Variants in MUSK observed in about 807,000 individuals in gnomAD.
MUSK encodes the protein muscle, skeletal receptor tyrosine-protein kinase.
A neutral mutation model predicts 88.7 loss-of-function variants in MUSK; 55 were observed. The observed-to-expected ratio is 0.62, with a 90% confidence interval of 0.50 to 0.78. The LOEUF (loss-of-function observed/expected upper bound fraction) is 0.78, where lower values mean the gene tolerates loss of function less well. Ranked by LOEUF, MUSK falls within the 30% of genes least tolerant of loss-of-function variation. MUSK has a pLI of 0.00. For synonymous variants in MUSK, 387 were observed against 391.9 expected (o/e 0.99, Z 0.15); for missense variants, 1,015 against 1,074.3 (o/e 0.94, Z 0.77).
At chr9:110,742,581 C>A (rs1295991849) in intron 6 of MUSK, among the ~76,000 whole-genome samples, 1 of 152,136 alleles carries the variant, frequency 6.6e-6, no homozygotes, top group Non-Finnish European at 1.5e-5. Flanking sequence ...TCAAAAGATT[C>A]ATATGAGGTT....
Position 110,768,014 on chromosome 9 carries a change from C to T in MUSK, c.1115C>T (p.Ala372Val). ...CCAGTCTGCCGGCCAGCTGCTGAGG[C>T]TTTGTTGTGTAACCACATCTTCCAG... ...VSPVCRPAAEALLCNHIFQEC... is the reference protein window; with the variant it reads ...VSPVCRPAAEVLLCNHIFQEC... The change falls in exon 9 of 15, where the codon GCT becomes GTT. Residue 372 changes from alanine (A) to valine (V), a missense_variant. By Grantham distance (64) the Ala-to-Val change is moderately conservative (BLOSUM62 0). Coordinates refer to ENST00000374448, the MANE Select transcript of MUSK (RefSeq NM_005592.4). 1.9e-6 allele frequency: 3 copies of T among 1,613,988 alleles called. No homozygotes were observed. Among genetic ancestry groups the T allele is most frequent in the Non-Finnish European group, 2.5e-6 (3 of 1,179,882 alleles).
In MUSK at chr9:110,687,205, TGCACG is replaced by T; in HGVS notation, c.298_302del (p.Thr100GlnfsTer21). ...AGACAGTGATGATGGCATTTACTGC[TGCACG>T]GCCAACAATGGTGTGGGAGGAGCTG... is the stretch of plus-strand genomic sequence containing the variant. On this transcript the variant is annotated frameshift_variant, in exon 3 of 15. Transcript: ENST00000374448. LOFTEE classifies it high-confidence loss of function. 6.2e-7 allele frequency: 1 copy of T among 1,613,910 alleles called. No individual in the cohort carries two copies. Among genetic ancestry groups the T allele is most frequent in the African/African-American group, 1.3e-5 (1 of 75,038 alleles).
chr9:110,784,812 C>T lies in MUSK; in HGVS notation c.1385-3C>T, dbSNP rs775863015. The T allele has an allele frequency of 5.6e-6, 9 of 1,600,962 alleles. No homozygotes were observed. In the Admixed American group the frequency reaches 1.2e-4, roughly 21 times the overall value. ...GAATGAAATAATTATTCTTTACTTA[C>T]AGCATTCCCACCAATGACGTCCTCA... On this transcript the variant is annotated splice_region_variant and splice_polypyrimidine_tract_variant and intron_variant, in intron 11 of 14. Coordinates refer to ENST00000374448, the MANE Select transcript of MUSK (RefSeq NM_005592.4).
intron 11 of MUSK, among the ~76,000 whole-genome samples, chr9:110,783,376 T>G (rs1412159924): frequency 6.6e-6 from 1 of 151,970 alleles, no homozygotes; most frequent in Non-Finnish European, 1.5e-5. Flanking sequence ...AAAGAATGTC[T>G]TTTATAATGT....
At chr9:110,764,706 A>G (rs147901390) in intron 8 of MUSK, among the ~76,000 whole-genome samples, 5 of 152,276 alleles carry the variant, frequency 3.3e-5, no homozygotes, top group African/African-American at 9.6e-5. Flanking sequence ...ATATAATACC[A>G]AAGCCAAGTC....
At chr9:110,712,185 G>T (rs2076681042) in intron 5 of MUSK, among the ~76,000 whole-genome samples, 1 of 150,738 alleles carries the variant, frequency 6.6e-6, no homozygotes, top group African/African-American at 2.4e-5. Flanking sequence ...ATCAGTGCCT[G>T]GGTTGGGGAG....
intron 6 of MUSK, among the ~76,000 whole-genome samples, chr9:110,746,945 C>T (rs1314476485): frequency 6.6e-6 from 1 of 152,160 alleles, no homozygotes; most frequent in Admixed American, 6.5e-5. Context: ...AAGTCTGCAA[C>T]CTCTCATACT....
intron 11 of MUSK, among the ~76,000 whole-genome samples, chr9:110,777,930 A>G (rs888112814): frequency 2.0e-5 from 3 of 152,124 alleles, no homozygotes; most frequent in African/African-American, 7.2e-5. Context: ...TAGGGCAGGG[A>G]ATATCTGAAA....
Position 110,695,496 on chromosome 9 carries a change from C to T in MUSK, c.452C>T (p.Ser151Leu). 6.4e-7 allele frequency: 1 copy of T among 1,566,974 alleles called. No homozygotes were observed. Among genetic ancestry groups the T allele is most frequent in the Non-Finnish European group, 8.7e-7 (1 of 1,152,790 alleles). ...PCTTMGNPKPSVSWIKGDSPL... is the reference protein window; with the variant it reads ...PCTTMGNPKPLVSWIKGDSPL... ...ACTACAATGGGTAATCCCAAACCATCAGTGTCTTGGATAAAGGGAGACAGC... is the reference window on the plus strand; with the variant it reads ...ACTACAATGGGTAATCCCAAACCATTAGTGTCTTGGATAAAGGGAGACAGC... Residue 151 changes from serine to leucine, a missense_variant, in exon 4 of 15, where the codon TCA becomes TTA. By Grantham distance (145) the Ser-to-Leu change is moderately radical (BLOSUM62 -2). Coordinates refer to ENST00000374448, the MANE Select transcript of MUSK (RefSeq NM_005592.4).
In MUSK at chr9:110,768,061, C is replaced by A; in HGVS notation, c.1162C>A (p.Pro388Thr). ...IFQECSPGVVPTPIPICREYC... is the reference protein window; with the variant it reads ...IFQECSPGVVTTPIPICREYC... ...CCAGGAGTGCAGTCCTGGAGTAGTG[C>A]CTACTCCTATTCCCATTTGCAGGTA... The change falls in exon 9 of 15, where the codon CCT becomes ACT. Residue 388 changes from proline to threonine, a missense_variant. Pro to Thr is a conservative substitution (Grantham distance 38). Transcript: ENST00000374448. 6.2e-7 allele frequency: 1 copy of A among 1,609,908 alleles called. No homozygotes were observed. The highest frequency in any genetic ancestry group is 8.5e-7 in the Non-Finnish European group (1 of 1,177,450).
At chr9:110,771,184 GTCCCTGGGT>G (rs1324835818) in intron 9 of MUSK, among the ~76,000 whole-genome samples, 23 of 24,778 alleles carry the variant, frequency 9.3e-4, no homozygotes, top group African/African-American at 3.6e-3. Context: ...TTTTTTTTTT[GTCCCTGGGT>G]TCAAGCAATT....
intron 5 of MUSK, among the ~76,000 whole-genome samples, chr9:110,704,773 T>C (rs1383966078): frequency 2.6e-5 from 4 of 151,738 alleles, no homozygotes; most frequent in Admixed American, 1.3e-4. Flanking sequence ...ATCACGAGGT[T>C]AGGAGTTTGA....
intron 5 of MUSK, among the ~76,000 whole-genome samples, chr9:110,718,478 A>G (rs2076772374): frequency 6.6e-6 from 1 of 152,006 alleles, no homozygotes; most frequent in Non-Finnish European, 1.5e-5. Context: ...AGCAGAAGAA[A>G]GAACTTCAGA....
intron 5 of MUSK, among the ~76,000 whole-genome samples, chr9:110,710,101 G>C (rs1351663945): frequency 6.6e-6 from 1 of 152,180 alleles, no homozygotes; most frequent in Non-Finnish European, 1.5e-5. Context: ...GGTTGGCAAA[G>C]GAACTTGAGT....
chr9:110,709,388 T>G (rs2076640418), intron 5 of MUSK, among the ~76,000 whole-genome samples: 1 of 152,188 alleles, frequency 6.6e-6, no homozygotes, highest in Non-Finnish European at 1.5e-5. Flanking sequence ...GTAAACTTCT[T>G]GAGTCCAAAT....
intron 10 of MUSK, 50 bp from the exon 11 acceptor site, chr9:110,776,582 G>A: frequency 6.9e-7 from 1 of 1,458,834 alleles, no homozygotes; most frequent in Non-Finnish European, 9.6e-7. Context: ...CAGAATATGT[G>A]AGATATCTGG....
rs866117182 is a variant in MUSK, at chr9:110,804,168, A to G, written c.*3180A>G. On this transcript the variant is annotated 3_prime_UTR_variant, in exon 15 of 15. Coordinates refer to ENST00000374448, the MANE Select transcript of MUSK (RefSeq NM_005592.4). ...TCATATACTGTAATTTAGCTAATCA[A>G]TCTTGTATTTTTGAACATTTAGGTT... Among the ~76,000 whole-genome samples the G allele has an allele frequency of 3.3e-5, 5 of 152,136 alleles. No individual in the cohort carries two copies. The highest frequency in any genetic ancestry group is 9.7e-5 in the African/African-American group (4 of 41,422).
At chr9:110,799,374 G>T (rs1479055411) in intron 14 of MUSK, among the ~76,000 whole-genome samples, 1 of 152,140 alleles carries the variant, frequency 6.6e-6, no homozygotes, top group African/African-American at 2.4e-5. Context: ...ATTTGAAAAT[G>T]ATCTTCTGGC....
chr9:110,702,298 T>C (rs894316701), intron 5 of MUSK, among the ~76,000 whole-genome samples: 1 of 152,004 alleles, frequency 6.6e-6, no homozygotes, highest in Non-Finnish European at 1.5e-5. Flanking sequence ...GGTGCTCATC[T>C]CCATAACCTA....
Sources: allele counts gnomAD v4.1 joint callset (sites outside exome capture counted in the v4.1 genomes callset), GRCh38; gene constraint gnomAD v4.1.1; transcripts MANE v1.5; gene names NCBI Gene and HGNC (gene_info 2026-07-23, HGNC 2026-07-21).